CSMD1: variants seen among roughly 807,000 people sequenced by gnomAD.
CSMD1 encodes CUB and Sushi multiple domains 1.
CSMD1 carries 213 observed loss-of-function variants against 417.5 expected under a neutral mutation model. The observed-to-expected ratio is 0.51, with a 90% CI of 0.46 to 0.57. The LOEUF is 0.57. Among genes scored for constraint, CSMD1 ranks in the 20% least tolerant of loss-of-function variants. The pLI, the probability that CSMD1 is intolerant of heterozygous loss-of-function variation, is 0.00. For missense variants in CSMD1, 6,923 were observed against 4,529.7 expected (o/e 1.53, Z -15.17); for synonymous variants, 2,862 against 1,736.8 (o/e 1.65, Z -16.11).
At chr8:3,604,828 T>A (rs1293566561) in intron 8 of CSMD1, among the ~76,000 whole-genome samples, 1 of 152,126 alleles carries the variant, frequency 6.6e-6, no homozygotes, top group Non-Finnish European at 1.5e-5. Flanking sequence ...TCTCTCTTGA[T>A]GAAGACAACA....
intron 3 of CSMD1, among the ~76,000 whole-genome samples, chr8:4,207,021 C>G (rs924837667): frequency 2.6e-5 from 4 of 152,038 alleles, no homozygotes; most frequent in Non-Finnish European, 5.9e-5. Context: ...ATCACATATT[C>G]CTCTTTAAAT....
chr8:3,310,939 G>A (rs766907759), intron 23 of CSMD1, among the ~76,000 whole-genome samples: 1 of 152,166 alleles, frequency 6.6e-6, no homozygotes, highest in Admixed American at 6.5e-5. Context: ...CTTCTAAACT[G>A]AGCTTTGAAA....
intron 1 of CSMD1, among the ~76,000 whole-genome samples, chr8:4,665,873 G>C (rs967668839): frequency 6.6e-6 from 1 of 152,118 alleles, no homozygotes; most frequent in Non-Finnish European, 1.5e-5. Context: ...TAATTACCTA[G>C]GAAGACCTTG....
intron 51 of CSMD1, among the ~76,000 whole-genome samples, chr8:3,021,838 T>C (rs1376307425): frequency 3.8e-4 from 45 of 119,990 alleles, no homozygotes; most frequent in East Asian, 1.9e-3. Flanking sequence ...GGAATGCACC[T>C]GCAATCCCAC....
chr8:3,611,180 T>TA (rs1347772859), intron 8 of CSMD1, among the ~76,000 whole-genome samples: 1 of 151,462 alleles, frequency 6.6e-6, no homozygotes, highest in Non-Finnish European at 1.5e-5. Flanking sequence ...CATGTATACA[T>TA]ACGTAACTAA....
At chr8:3,494,497 T>C (rs554421758) in intron 10 of CSMD1, among the ~76,000 whole-genome samples, 7 of 151,908 alleles carry the variant, frequency 4.6e-5, no homozygotes, top group Non-Finnish European at 8.8e-5. Context: ...AGAGGAATGA[T>C]AGATAGATGA....
chr8:3,175,498 TGCCTGCCTG>T (rs1563111628), intron 37 of CSMD1, among the ~76,000 whole-genome samples: 1,438 of 122,330 alleles, frequency 0.012, 25 homozygotes, highest in African/African-American at 0.043. Context: ...CCTGCCTGCC[TGCCTGCCTG>T]CCTTTTTTCC....
rs541794598 is a variant in CSMD1, at chr8:4,418,132, T to C, written c.415+1821A>G. On this transcript the variant is annotated intron_variant, in intron 3 of 69. Transcript: ENST00000635120. ...GCCAACAAAGCACCTTTTTGACAGG[T>C]TTTTTTCTTTTAAATAGAGGTTTGT... 7.2e-5 allele frequency among the ~76,000 whole-genome samples: 11 copies of C among 152,010 alleles called. No individual in the cohort carries two copies. The South Asian group carries it at 2.3e-3, about 32-fold the overall frequency.
In CSMD1 at chr8:3,693,372, T is replaced by A. The variant is rs546753256; in HGVS notation, c.1009+15042A>T. ...TGTCCAAGAAATGATAAAATCCGAG[T>A]AATGTGGAATATAATGACTTTTGTT... On this transcript the variant is annotated intron_variant, in intron 7 of 69. Coordinates refer to ENST00000635120, the MANE Select transcript of CSMD1 (RefSeq NM_033225.6). Among the ~76,000 whole-genome samples the A allele has an allele frequency of 2.0e-5, 3 of 152,240 alleles. No individual in the cohort carries two copies. The South Asian group carries it at 6.2e-4, about 32-fold the overall frequency.
intron 3 of CSMD1, among the ~76,000 whole-genome samples, chr8:4,200,026 T>A (rs180798641): frequency 6.6e-6 from 1 of 152,190 alleles, no homozygotes; most frequent in South Asian, 2.1e-4. Context: ...GAAAATTATG[T>A]TGAGGTGCCA....
chr8:4,357,108 C>G (rs59358323), intron 3 of CSMD1, among the ~76,000 whole-genome samples: 2 of 152,154 alleles, frequency 1.3e-5, no homozygotes, highest in African/African-American at 4.8e-5. Flanking sequence ...TATTACAACT[C>G]TGAATTGGTC....
intron 3 of CSMD1, among the ~76,000 whole-genome samples, chr8:4,284,880 CA>C (rs1563388511): frequency 6.6e-6 from 1 of 152,082 alleles, no homozygotes; most frequent in African/African-American, 2.4e-5. Flanking sequence ...GTTTAAAAAA[CA>C]CTTTTCTGTC....
At chr8:3,778,577 T>C (rs984268711) in intron 5 of CSMD1, among the ~76,000 whole-genome samples, 11 of 152,164 alleles carry the variant, frequency 7.2e-5, no homozygotes, top group Non-Finnish European at 1.2e-4. Context: ...TGAGATTCTC[T>C]AGCAGAAAAG....
At chr8:3,464,898 C>T (rs138742238) in intron 12 of CSMD1, among the ~76,000 whole-genome samples, 2 of 152,164 alleles carry the variant, frequency 1.3e-5, no homozygotes, top group South Asian at 2.1e-4. Context: ...CCCTCAAGAG[C>T]TCTCTTTGTT....
intron 2 of CSMD1, among the ~76,000 whole-genome samples, chr8:4,581,786 C>T (rs1051531723): frequency 2.0e-5 from 3 of 152,156 alleles, no homozygotes; most frequent in Non-Finnish European, 4.4e-5. Context: ...TGCCTATTGG[C>T]TATTGCTAGG....
At chr8:3,264,615 A>G (rs1340999492) in intron 26 of CSMD1, among the ~76,000 whole-genome samples, 1 of 152,206 alleles carries the variant, frequency 6.6e-6, no homozygotes, top group Non-Finnish European at 1.5e-5. Flanking sequence ...GAAAACGTAT[A>G]AATCGAACTG....
chr8:3,413,088 C>A (rs73657856), intron 12 of CSMD1, among the ~76,000 whole-genome samples: 1 of 152,036 alleles, frequency 6.6e-6, no homozygotes, highest in Non-Finnish European at 1.5e-5. Flanking sequence ...CTACTTCCTA[C>A]CTCAAAGGGT....
chr8:4,158,730 C>A (rs1796979711), intron 3 of CSMD1, among the ~76,000 whole-genome samples: 2 of 152,108 alleles, frequency 1.3e-5, no homozygotes, highest in South Asian at 4.1e-4. Context: ...ATCACAACCC[C>A]ATGAGAACCA....
intron 5 of CSMD1, among the ~76,000 whole-genome samples, chr8:3,801,112 G>A (rs891137440): frequency 6.6e-6 from 1 of 152,016 alleles, no homozygotes; most frequent in Admixed American, 6.6e-5. Context: ...AAGACGGAAA[G>A]GTTAAATTTT....
Sources: gnomAD v4.1 joint callset for allele counts (sites outside exome capture counted in the v4.1 genomes callset) on GRCh38, gnomAD v4.1.1 for gene constraint, MANE v1.5 for transcripts, NCBI Gene and HGNC (gene_info 2026-07-23, HGNC 2026-07-21) for gene names.